The following FGF14 variants were observed in gnomAD, a reference collection of about 807,000 sequenced individuals.
FGF14 encodes the protein fibroblast growth factor 14.
In FGF14, 5 loss-of-function variants were observed where a neutral mutation model predicts 25.5. That is an observed-to-expected ratio of 0.20 (90% CI 0.10 to 0.41). The LOEUF is 0.41. Among genes scored for constraint, FGF14 ranks in the 10% least tolerant of loss-of-function variants. FGF14 has a pLI of 1.00. For synonymous variants in FGF14, 138 were observed against 118.3 expected, an observed-to-expected ratio of 1.17 and a Z score of -1.08; for missense variants, 222 against 320.1, an observed-to-expected ratio of 0.69 and a Z score of 2.34.
chr13:101,779,667 A>G (rs2039366962), intron 3 of FGF14, among the ~76,000 whole-genome samples: 1 of 152,200 alleles, frequency 6.6e-6, no homozygotes, highest in South Asian at 2.1e-4. Flanking sequence ...AGGTATAAAT[A>G]TTTTGGGTTT....
At chr13:101,825,144 C>T (rs1353419843) in intron 3 of FGF14, among the ~76,000 whole-genome samples, 1 of 152,206 alleles carries the variant, frequency 6.6e-6, no homozygotes, top group Non-Finnish European at 1.5e-5. Context: ...GCTGGTCGGT[C>T]AGCAGTTCCA....
intron 1 of FGF14, among the ~76,000 whole-genome samples, chr13:101,903,083 A>G (rs1027091220): frequency 2.0e-5 from 3 of 152,094 alleles, no homozygotes; most frequent in Non-Finnish European, 4.4e-5. Context: ...CTCTTTTCCA[A>G]TGAATTCTAG....
intron 3 of FGF14, among the ~76,000 whole-genome samples, chr13:101,764,287 G>T (rs1265955769): frequency 2.6e-5 from 4 of 152,264 alleles, no homozygotes; most frequent in African/African-American, 4.8e-5. Context: ...ACTGATTTGC[G>T]TATGGCAATT....
chr13:102,211,401 C>T (rs565743375), intron 1 of FGF14, among the ~76,000 whole-genome samples: 6 of 152,104 alleles, frequency 3.9e-5, no homozygotes, highest in African/African-American at 1.2e-4. Flanking sequence ...TTGCTTACTC[C>T]CCTCATCTTA....
chr13:102,279,048 T>C (rs1419705825), intron 1 of FGF14, among the ~76,000 whole-genome samples: 2 of 152,210 alleles, frequency 1.3e-5, no homozygotes, highest in Admixed American at 1.3e-4. Context: ...AATGTTATTT[T>C]ATGACTATGA....
chr13:101,797,774 T>TGC (rs2040631751), intron 3 of FGF14, among the ~76,000 whole-genome samples: 4 of 147,430 alleles, frequency 2.7e-5, no homozygotes, highest in Admixed American at 1.4e-4. Context: ...TGTGTGTGTG[T>TGC]GTGTGTGTTC....
At chr13:101,983,323 A>G (rs1281763288) in intron 1 of FGF14, among the ~76,000 whole-genome samples, 1 of 152,184 alleles carries the variant, frequency 6.6e-6, no homozygotes, top group Non-Finnish European at 1.5e-5. Flanking sequence ...GGGGTCCAAT[A>G]AATACTGAAC....
chr13:102,029,242 G>A (rs1453504157), intron 1 of FGF14, among the ~76,000 whole-genome samples: 1 of 152,000 alleles, frequency 6.6e-6, no homozygotes, highest in Non-Finnish European at 1.5e-5. Flanking sequence ...TGTTTTAAAA[G>A]CTGATTTGGT....
At chr13:102,254,371 T>C (rs1429197411) in intron 1 of FGF14, among the ~76,000 whole-genome samples, 1 of 152,110 alleles carries the variant, frequency 6.6e-6, no homozygotes, top group Admixed American at 6.5e-5. Flanking sequence ...GAGGTCATAG[T>C]TGAAAATACG....
chr13:101,757,772 T>C (rs2037758431), intron 3 of FGF14, among the ~76,000 whole-genome samples: 1 of 152,142 alleles, frequency 6.6e-6, no homozygotes, highest in Non-Finnish European at 1.5e-5. Flanking sequence ...GTGTCAAAGA[T>C]GAAGAGATAC....
At chr13:102,397,467 G>A (rs1309812486) in intron 1 of FGF14, among the ~76,000 whole-genome samples, 1 of 152,186 alleles carries the variant, frequency 6.6e-6, no homozygotes, top group Non-Finnish European at 1.5e-5. Flanking sequence ...GCAGAACTAG[G>A]TCTAGGGCGT....
At chr13:101,997,997 T>C (rs573513211) in intron 1 of FGF14, among the ~76,000 whole-genome samples, 1 of 152,290 alleles carries the variant, frequency 6.6e-6, no homozygotes, top group South Asian at 2.1e-4. Context: ...CCTTTGTGTG[T>C]GTGTGCGTGG....
chr13:101,907,042 A>G (rs2032332042), intron 1 of FGF14, among the ~76,000 whole-genome samples: 1 of 152,118 alleles, frequency 6.6e-6, no homozygotes, highest in Admixed American at 6.6e-5. Context: ...TTTGCCAATG[A>G]TTATTTGCTA....
At chr13:101,909,222 A>G (rs1204252332) in intron 1 of FGF14, among the ~76,000 whole-genome samples, 1 of 152,228 alleles carries the variant, frequency 6.6e-6, no homozygotes, top group Non-Finnish European at 1.5e-5. Context: ...AATGGCAACA[A>G]AAGCCAAAAT....
In FGF14 at chr13:101,916,538, G is replaced by A. The variant is rs763096933; in HGVS notation, c.108C>T (p.Asn36=). Residue 36 remains asparagine (N), a synonymous_variant, in exon 1 of 5, where the codon AAC becomes AAT. Coordinates refer to ENST00000376143, the MANE Select transcript of FGF14 (RefSeq NM_004115.4). The stretch of plus-strand genomic sequence containing the variant: ...CCAGGTTGCCGTTGCAGAGCCCGCG[G>A]TTCTTGCTGGGGCTGCTCCGCCTCC... The part of the protein sequence containing the change: ...ASRRRSSPSK[N]RGLCNGNLVD... The A allele has an allele frequency of 9.3e-6, 15 of 1,613,566 alleles. No individual in the cohort carries two copies. The highest frequency in any genetic ancestry group is 1.2e-5 in the Non-Finnish European group (14 of 1,179,942).
intron 1 of FGF14, among the ~76,000 whole-genome samples, chr13:102,051,984 C>G (rs980278212): frequency 6.6e-6 from 1 of 151,882 alleles, no homozygotes; most frequent in African/African-American, 2.4e-5. Context: ...CAATGAACTT[C>G]AAGAAAATAG....
chr13:102,331,783 A>C (rs949681672), intron 1 of FGF14, among the ~76,000 whole-genome samples: 1 of 152,186 alleles, frequency 6.6e-6, no homozygotes, highest in East Asian at 1.9e-4. Context: ...TCGAATTGGT[A>C]GTATAGCATC....
At chr13:102,191,395 GA>G in intron 1 of FGF14, among the ~76,000 whole-genome samples, 1 of 152,300 alleles carries the variant, frequency 6.6e-6, no homozygotes, top group East Asian at 1.9e-4. Flanking sequence ...CCAGCATGGT[GA>G]AGTTTTTGTA....
chr13:102,246,650 A>G (rs2051884952), intron 1 of FGF14, among the ~76,000 whole-genome samples: 1 of 152,074 alleles, frequency 6.6e-6, no homozygotes, highest in Non-Finnish European at 1.5e-5. Flanking sequence ...TAAAATGGCC[A>G]TATTCCACAA....
Sources: allele counts gnomAD v4.1 joint callset (sites outside exome capture counted in the v4.1 genomes callset), GRCh38; gene constraint gnomAD v4.1.1; transcripts MANE v1.5; gene names NCBI Gene and HGNC (gene_info 2026-07-23, HGNC 2026-07-21).